SEL1L3: variants seen among roughly 807,000 people sequenced by gnomAD.
The protein encoded by SEL1L3 is SEL1L family member 3.
Under a neutral mutation model 142.8 loss-of-function variants are expected in SEL1L3, and 76 were observed. The ratio of observed to expected loss-of-function variants is 0.53; its 90% confidence interval spans 0.44 to 0.64. SEL1L3 has a LOEUF of 0.64. SEL1L3 is among the 30% of genes least tolerant of loss of function. The pLI, the probability that SEL1L3 is intolerant of heterozygous loss-of-function variation, is 0.00. For synonymous variants in SEL1L3, 504 were observed against 519.6 expected (o/e 0.97, Z 0.41); for missense variants, 1,262 against 1,381.7 (o/e 0.91, Z 1.37).
intron 5 of SEL1L3, among the ~76,000 whole-genome samples, chr4:25,830,788 C>T (rs571106990): frequency 3.0e-4 from 45 of 152,288 alleles, no homozygotes; most frequent in African/African-American, 9.4e-4. Flanking sequence ...GACGTGGCTA[C>T]GACACTTGGT....
chr4:25,822,006 T>G lies in SEL1L3; in HGVS notation c.1280A>C (p.His427Pro). The G allele has an allele frequency of 2.5e-6, 4 of 1,613,570 alleles. No homozygotes were observed. Among genetic ancestry groups the G allele is most frequent in the Non-Finnish European group, 3.4e-6 (4 of 1,179,794 alleles). Residue 427 changes from histidine (H) to proline (P), a missense_variant, in exon 7 of 24, where the codon CAC becomes CCC. His to Pro is a moderately conservative substitution (Grantham distance 77). Transcript: ENST00000399878. ...ATCCCCTGGACTCACCTGGGCGGGG[T>G]GCAGACTGCGAAGGCGATAGTACTT... ...PLKYYRLRSL[H>P]PAQIFNPLLE... is the part of the protein sequence containing the mutation.
chr4:25,855,521 C>T (rs1420340117), intron 1 of SEL1L3, among the ~76,000 whole-genome samples: 3 of 151,998 alleles, frequency 2.0e-5, no homozygotes, highest in Non-Finnish European at 2.9e-5. Flanking sequence ...TTTGGGAGGC[C>T]GAGGCGGGTG....
chr4:25,728,906 C>A, the SEL1L3 span, among the ~76,000 whole-genome samples: 1 of 151,402 alleles, frequency 6.6e-6, no homozygotes, highest in Non-Finnish European at 1.5e-5. Context: ...GCCCCCTGAT[C>A]AACTGAACAG....
At chr4:25,833,842 A>G (rs891611135) in intron 3 of SEL1L3, among the ~76,000 whole-genome samples, 5 of 152,236 alleles carry the variant, frequency 3.3e-5, no homozygotes, top group African/African-American at 9.6e-5. Context: ...CTCTTTGAGA[A>G]TCTCACATGC....
intron 23 of SEL1L3, among the ~76,000 whole-genome samples, chr4:25,755,552 G>A (rs556412561): frequency 7.9e-5 from 12 of 152,210 alleles, no homozygotes; most frequent in East Asian, 3.9e-4. Flanking sequence ...GCAGGAAGTA[G>A]GTATGTGCTG....
At chr4:25,846,039 G>A (rs1716483048) in intron 2 of SEL1L3, among the ~76,000 whole-genome samples, 1 of 152,186 alleles carries the variant, frequency 6.6e-6, no homozygotes, top group Non-Finnish European at 1.5e-5. Flanking sequence ...TTTGCAACAA[G>A]CATTTGTGAT....
chr4:25,745,405 A>G (rs1717229498), downstream of SEL1L3, among the ~76,000 whole-genome samples: 1 of 152,040 alleles, frequency 6.6e-6, no homozygotes, highest in Non-Finnish European at 1.5e-5. Flanking sequence ...AAAAAAAAAA[A>G]AAAGAAAGTG....
intron 12 of SEL1L3, among the ~76,000 whole-genome samples, chr4:25,789,230 C>T (rs911489128): frequency 6.6e-6 from 1 of 152,084 alleles, no homozygotes; most frequent in Non-Finnish European, 1.5e-5. Context: ...TTATAACTTC[C>T]AGCAAAGTAT....
intron 14 of SEL1L3, 54 bp downstream of exon 14, chr4:25,784,174 G>C (rs998027303): frequency 2.2e-6 from 3 of 1,369,924 alleles, no homozygotes; most frequent in Non-Finnish European, 3.1e-6. Flanking sequence ...ACGTGCGAGA[G>C]CGTGTGGGAG....
Position 25,833,190 on chromosome 4 carries a change from T to G in SEL1L3, c.983-80A>C. ...GAAGTAGCTAGGCCTTTTCAACAAT[T>G]GTCCTAAGAAGCTACAATACTCCAC... is the stretch of plus-strand genomic sequence containing the variant. On this transcript the variant is annotated intron_variant, in intron 4 of 23. Coordinates refer to ENST00000399878, the MANE Select transcript of SEL1L3 (RefSeq NM_015187.5). 7 of 873,228 alleles carry G rather than the reference T, an allele frequency of 8.0e-6. No individual in the cohort carries two copies. The South Asian group carries it at 9.7e-5, about 12-fold the overall frequency. 54.1% of individuals were successfully genotyped at this position (873,228 alleles called of 1,614,324 possible).
At position 25,755,385 on chromosome 4, in the gene SEL1L3, A is replaced by C. The variant is rs190657996; in HGVS notation, c.3259+2149T>G. On this transcript the variant is annotated intron_variant, in intron 23 of 23. Coordinates refer to ENST00000399878, the MANE Select transcript of SEL1L3 (RefSeq NM_015187.5). ...GTCAAAATGTTGGAATTATAGCAGT[A>C]AGCCACTGCGTCTGGTCTCCTGGTC... Among the ~76,000 whole-genome samples, 116 of 152,182 alleles carry C rather than the reference A, an allele frequency of 7.6e-4. 2 individuals are homozygous for C. The highest frequency in any genetic ancestry group is 6.7e-3 in the Admixed American group (103 of 15,274).
intron 16 of SEL1L3, among the ~76,000 whole-genome samples, 151 bp downstream of exon 16, chr4:25,778,912 TTTTTAATTAAAAG>T (rs1430590943): frequency 6.6e-6 from 1 of 152,238 alleles, no homozygotes; most frequent in Non-Finnish European, 1.5e-5. Context: ...TATTTTTAAA[TTTTTAATTAAAAG>T]TTTTAATTTT....
At chr4:25,853,095 G>A (rs867172151) in intron 1 of SEL1L3, among the ~76,000 whole-genome samples, 2 of 152,128 alleles carry the variant, frequency 1.3e-5, no homozygotes, top group African/African-American at 2.4e-5. Flanking sequence ...ATACATACAC[G>A]CCAGGTGTTG....
At chr4:25,760,859 A>G (rs1718329004) in intron 20 of SEL1L3, among the ~76,000 whole-genome samples, 1 of 152,202 alleles carries the variant, frequency 6.6e-6, no homozygotes, top group Non-Finnish European at 1.5e-5. Context: ...CCTCATAACA[A>G]CAAATCGATA....
intron 23 of SEL1L3, among the ~76,000 whole-genome samples, chr4:25,750,287 G>A (rs886451565): frequency 2.6e-5 from 4 of 151,876 alleles, no homozygotes; most frequent in African/African-American, 9.7e-5. Flanking sequence ...CACAATGGCT[G>A]CTTTTCAGCT....
downstream of SEL1L3, among the ~76,000 whole-genome samples, chr4:25,746,845 G>A (rs546244607): frequency 1.7e-4 from 26 of 151,814 alleles, no homozygotes; most frequent in African/African-American, 5.3e-4. Context: ...CAAGTATTTC[G>A]TTATAGCAAT....
At chr4:25,815,233 C>T (rs930232728) in intron 9 of SEL1L3, among the ~76,000 whole-genome samples, 1 of 152,148 alleles carries the variant, frequency 6.6e-6, no homozygotes, top group Non-Finnish European at 1.5e-5. Context: ...TAGTCATGAA[C>T]GGTGGGTCCT....
intron 15 of SEL1L3, 35 bp from the exon 16 acceptor site, chr4:25,779,238 T>G: frequency 6.2e-7 from 1 of 1,608,760 alleles, no homozygotes; most frequent in East Asian, 2.2e-5. Context: ...CGAGTCATCC[T>G]AGCTGGGCTG....
intron 14 of SEL1L3, 128 bp from the exon 15 acceptor site, chr4:25,782,546 G>A: frequency 1.2e-6 from 1 of 803,838 alleles, no homozygotes; most frequent in Non-Finnish European, 1.9e-6. Context: ...TTTTGGAGCA[G>A]ATGGCATTAA....
Sources: allele counts gnomAD v4.1 joint callset (sites outside exome capture counted in the v4.1 genomes callset), GRCh38; gene constraint gnomAD v4.1.1; transcripts MANE v1.5; gene names NCBI Gene and HGNC (gene_info 2026-07-23, HGNC 2026-07-21).